MYO6: variants seen among roughly 807,000 people sequenced by gnomAD.
MYO6 encodes myosin VI, also known as unconventional myosin-VI.
MYO6 carries 74 observed loss-of-function variants against 178.7 expected under a neutral mutation model. The observed-to-expected ratio is 0.41, with a 90% CI of 0.34 to 0.50. The LOEUF (loss-of-function observed/expected upper bound fraction) is 0.50, where lower values mean the gene tolerates loss of function less well. Among genes scored for constraint, MYO6 ranks in the 20% least tolerant of loss-of-function variants. The probability of loss-of-function intolerance (pLI) is 0.09; values close to 1 mark genes in which losing one functional copy is unlikely to be tolerated. For synonymous variants in MYO6, 477 were observed against 504.6 expected, an observed-to-expected ratio of 0.95 and a Z score of 0.73; for missense variants, 1,330 against 1,547.4, an observed-to-expected ratio of 0.86 and a Z score of 2.36.
intron 1 of MYO6, among the ~76,000 whole-genome samples, chr6:75,763,828 C>G (rs1422977433): frequency 6.6e-6 from 1 of 152,082 alleles, no homozygotes; most frequent in Non-Finnish European, 1.5e-5. Context: ...TAAAAACTTA[C>G]AGTTGAAAGA....
At chr6:75,898,323 A>G in intron 29 of MYO6, 50 bp from the exon 30 acceptor site, 1 of 1,199,340 alleles carries the variant, frequency 8.3e-7, no homozygotes, top group East Asian at 2.3e-5. Flanking sequence ...TAATTAATTT[A>G]TGTAGTATGA....
At position 75,862,569 on chromosome 6, in the gene MYO6, TGTGA is replaced by T. The variant is rs147389670; in HGVS notation, c.1547-23_1547-20del. 2.2e-4 allele frequency: 343 copies of T among 1,585,358 alleles called. 1 individual carries two copies. The East Asian group carries it at 6.0e-3, about 28-fold the overall frequency. On this transcript the variant is annotated intron_variant, in intron 15 of 34. Transcript: ENST00000369977. ...TTAAAATGTTATGTTTTTACACTAT[TGTGA>T]GTGTTTTCATTTTTTGAAATAGATT...
At chr6:75,875,138 C>T (rs1246622514) in intron 20 of MYO6, among the ~76,000 whole-genome samples, 3 of 152,132 alleles carry the variant, frequency 2.0e-5, no homozygotes, top group Non-Finnish European at 4.4e-5. Context: ...TCAGTACTGT[C>T]CAGAAGACCT....
At chr6:75,790,738 A>G (rs547592354) in intron 1 of MYO6, among the ~76,000 whole-genome samples, 3 of 152,214 alleles carry the variant, frequency 2.0e-5, no homozygotes, top group Admixed American at 2.0e-4. Context: ...TCATTTTAGT[A>G]TATATTTTTT....
intron 1 of MYO6, among the ~76,000 whole-genome samples, chr6:75,816,097 T>C (rs1018996819): frequency 6.6e-6 from 1 of 152,206 alleles, no homozygotes; most frequent in African/African-American, 2.4e-5. Flanking sequence ...GAATTCACCT[T>C]AGGCAAAAAC....
chr6:75,765,687 G>T (rs1778355540), intron 1 of MYO6, among the ~76,000 whole-genome samples: 1 of 151,904 alleles, frequency 6.6e-6, no homozygotes, highest in African/African-American at 2.4e-5. Flanking sequence ...GTTTGAGGCT[G>T]CAGTGAACTA....
chr6:75,917,893 T>C lies in MYO6; in HGVS notation c.*2881T>C, dbSNP rs2149440632. On this transcript the variant is annotated 3_prime_UTR_variant, in exon 35 of 35. Coordinates refer to ENST00000369977, the MANE Select transcript of MYO6 (RefSeq NM_004999.4). ...ATATGTAGATCATTGGTTTTTTTTTTTACCTGAAGTAGCTTAAGAGTACTT... is the reference window on the plus strand; with the variant it reads ...ATATGTAGATCATTGGTTTTTTTTTCTACCTGAAGTAGCTTAAGAGTACTT... 1 of 152,682 alleles carries C rather than the reference T, an allele frequency of 6.5e-6. No homozygotes were observed. The highest frequency in any genetic ancestry group is 2.1e-4 in the South Asian group (1 of 4,830). The allele number at this position is 152,682 out of a possible 1,614,324, so 9.5% of individuals were successfully genotyped here. A position where few individuals can be genotyped will look rare whatever the true frequency, so the allele number is the denominator to read the frequency against.
Position 75,812,603 on chromosome 6 carries a change from A to G in MYO6, c.-47-4898A>G, listed in dbSNP as rs567425915. Among the ~76,000 whole-genome samples the G allele has an allele frequency of 3.3e-5, 5 of 151,798 alleles. No individual in the cohort carries two copies. In the South Asian group the frequency reaches 1.0e-3, roughly 32 times the overall value. ...AACCATCCCTACTCCCCACCCCACTACCTTCCCAGCCTCAGGTATCATTCT... is the reference window on the plus strand; with the variant it reads ...AACCATCCCTACTCCCCACCCCACTGCCTTCCCAGCCTCAGGTATCATTCT... On this transcript the variant is annotated intron_variant, in intron 1 of 34. Transcript: ENST00000369977.
intron 1 of MYO6, among the ~76,000 whole-genome samples, chr6:75,793,303 C>T (rs1583094652): frequency 6.6e-6 from 1 of 152,070 alleles, no homozygotes; most frequent in Non-Finnish European, 1.5e-5. Flanking sequence ...AGGATTGAGG[C>T]TTAAAAAATG....
chr6:75,766,475 T>C (rs568344784), intron 1 of MYO6, among the ~76,000 whole-genome samples: 2 of 152,240 alleles, frequency 1.3e-5, no homozygotes, highest in East Asian at 3.9e-4. Context: ...TTATTAATTA[T>C]AGTAATTACA....
Position 75,797,339 on chromosome 6 carries a change from C to T in MYO6, c.-47-20162C>T, listed in dbSNP as rs535739185. On this transcript the variant is annotated intron_variant, in intron 1 of 34. Transcript: ENST00000369977. ...AACTCCCGACCTCAAGTGATCCACC[C>T]GCCTTGGCCTCCCAGAGTGCTGGGA... 1.1e-4 allele frequency among the ~76,000 whole-genome samples: 16 copies of T among 151,902 alleles called. No homozygotes were observed. The East Asian group carries it at 1.8e-3, about 17-fold the overall frequency.
rs540852171 is a variant in MYO6, at chr6:75,834,137, C to T, written c.497+1190C>T. On this transcript the variant is annotated intron_variant, in intron 6 of 34. Coordinates refer to ENST00000369977, the MANE Select transcript of MYO6 (RefSeq NM_004999.4). ...TAATTTGCCTCCTTATTTCTATTTC[C>T]CTATAGTCTGCCTCCTAATGTGTTC... is the stretch of plus-strand genomic sequence containing the variant. Among the ~76,000 whole-genome samples, 21 of 152,206 alleles carry T rather than the reference C, an allele frequency of 1.4e-4. No individual in the cohort carries two copies. In the South Asian group the frequency reaches 1.9e-3, roughly 14 times the overall value.
At chr6:75,876,341 T>G (rs62414798) in intron 20 of MYO6, among the ~76,000 whole-genome samples, 34,765 of 152,146 alleles carry the variant, frequency 0.23, 5,179 homozygotes, top group Middle Eastern at 0.39. Flanking sequence ...GGCTTACACA[T>G]ACATTCCTAT....
chr6:75,866,098 G>A (rs1046021990), intron 16 of MYO6, among the ~76,000 whole-genome samples: 1 of 152,096 alleles, frequency 6.6e-6, no homozygotes, highest in African/African-American at 2.4e-5. Context: ...AGTTATCCAG[G>A]TAATTCTAAT....
chr6:75,826,102 G>A (rs569851732), intron 3 of MYO6, among the ~76,000 whole-genome samples: 1 of 152,328 alleles, frequency 6.6e-6, no homozygotes, highest in East Asian at 1.9e-4. Context: ...TGGTAGAGCA[G>A]GAAGTTATTT....
chr6:75,886,792 C>G, intron 24 of MYO6, 52 bp from the exon 25 acceptor site: 1 of 1,565,288 alleles, frequency 6.4e-7, no homozygotes, highest in Non-Finnish European at 8.8e-7. Flanking sequence ...GAAAAATCTG[C>G]CAAAAGTACT....
intron 3 of MYO6, among the ~76,000 whole-genome samples, chr6:75,827,276 T>C (rs899384505): frequency 2.0e-5 from 3 of 152,146 alleles, no homozygotes; most frequent in African/African-American, 7.2e-5. Context: ...AGGGTAACCT[T>C]TGTACTGACC....
intron 23 of MYO6, 61 bp downstream of exon 23, chr6:75,881,879 T>C: frequency 1.3e-6 from 2 of 1,596,830 alleles, no homozygotes; most frequent in South Asian, 2.2e-5. Flanking sequence ...TTGTGGAGTG[T>C]TGTAAAGCTG....
intron 14 of MYO6, among the ~76,000 whole-genome samples, chr6:75,859,689 A>G (rs1310213612): frequency 9.8e-6 from 1 of 102,198 alleles, no homozygotes. Context: ...TTTTTTTGAG[A>G]CGAAGTCTTG....
Sources: gnomAD v4.1 joint callset for allele counts (sites outside exome capture counted in the v4.1 genomes callset) on GRCh38, gnomAD v4.1.1 for gene constraint, MANE v1.5 for transcripts, NCBI Gene and HGNC (gene_info 2026-07-23, HGNC 2026-07-21) for gene names.